The following IREB2 variants were observed in gnomAD, a reference collection of about 807,000 sequenced individuals.
IREB2 encodes iron-responsive element-binding protein 2.
IREB2 carries 39 observed loss-of-function variants against 118.8 expected under a neutral mutation model. The ratio of observed to expected loss-of-function variants is 0.33; its 90% CI spans 0.25 to 0.43. The LOEUF (loss-of-function observed/expected upper bound fraction) is 0.43, where lower values mean the gene tolerates loss of function less well. Ranked by LOEUF, IREB2 falls within the 20% of genes least tolerant of loss-of-function variation. The pLI, the probability that IREB2 is intolerant of heterozygous loss-of-function variation, is 1.00. For missense variants in IREB2, 900 were observed against 1,147.3 expected (o/e 0.78, Z 3.11); for synonymous variants, 372 against 392.2 (o/e 0.95, Z 0.61).
intron 2 of IREB2, among the ~76,000 whole-genome samples, chr15:78,460,812 A>T (rs1268475075): frequency 6.6e-6 from 1 of 152,116 alleles, no homozygotes; most frequent in African/African-American, 2.4e-5. Flanking sequence ...TAACTTGGCT[A>T]CTGTGATTTT....
At chr15:78,490,305 TTTG>T (rs1037790424) in intron 16 of IREB2, 114 bp from the exon 17 acceptor site, 419 of 585,832 alleles carry the variant, frequency 7.2e-4, no homozygotes, top group South Asian at 1.5e-3. Flanking sequence ...AAGGCCTATT[TTTG>T]TTGTTGTTGT....
chr15:78,460,037 T>C (rs1013488004), intron 2 of IREB2, among the ~76,000 whole-genome samples: 2 of 152,242 alleles, frequency 1.3e-5, no homozygotes, highest in Admixed American at 6.5e-5. Flanking sequence ...ACTTCCTAGT[T>C]GGAACATGTA....
In IREB2 at chr15:78,445,810, G is replaced by A. The variant is rs557781594; in HGVS notation, c.106+5929G>A. On this transcript the variant is annotated intron_variant, in intron 2 of 21. Coordinates refer to ENST00000258886, the MANE Select transcript of IREB2 (RefSeq NM_004136.4). ...TTGTTTGTTTTGTTTTTTCCCTCAG[G>A]GTCTTGCTCTGTTGCCCAGGCTGGA... Among the ~76,000 whole-genome samples the A allele has an allele frequency of 1.8e-4, 28 of 151,634 alleles. 1 individual carries two copies. In the South Asian group the frequency reaches 5.6e-3, roughly 30 times the overall value.
intron 5 of IREB2, among the ~76,000 whole-genome samples, chr15:78,467,900 C>T (rs1331320147): frequency 6.6e-6 from 1 of 152,040 alleles, no homozygotes; most frequent in Non-Finnish European, 1.5e-5. Flanking sequence ...CACTCTATTG[C>T]CTGGGCTGAA....
Position 78,485,795 on chromosome 15 carries a change from A to G in IREB2, c.1664A>G (p.His555Arg), listed in dbSNP as rs1191257852. The G allele has an allele frequency of 2.5e-6, 4 of 1,613,968 alleles. No homozygotes were observed. The highest frequency in any genetic ancestry group is 3.4e-6 in the Non-Finnish European group (4 of 1,179,830). The change falls in exon 13 of 22, where the codon CAT (histidine) becomes CGT (arginine). Residue 555 changes from histidine to arginine, a missense_variant. Physicochemically the swap from His to Arg is conservative, Grantham distance 29. Transcript: ENST00000258886. Reference sequence around the variant, plus strand: ...TCTCCAGGCAGTGGGATGGTTACACATTACCTCAGTTCAAGTGGAGTATTA... The same window carrying G: ...TCTCCAGGCAGTGGGATGGTTACACGTTACCTCAGTTCAAGTGGAGTATTA... ...SLSPGSGMVT[H>R]YLSSSGVLPY...
At chr15:78,494,398 T>C in intron 20 of IREB2, 134 bp downstream of exon 20, 1 of 866,516 alleles carries the variant, frequency 1.2e-6, no homozygotes, top group Non-Finnish European at 1.8e-6. Flanking sequence ...GGGTTTTGTT[T>C]GTTTGTTTAT....
At chr15:78,473,935 T>C (rs2051422136) in intron 8 of IREB2, 1 of 152,256 alleles carries the variant, frequency 6.6e-6, no homozygotes, top group Non-Finnish European at 1.5e-5. Context: ...TACTAAGTAA[T>C]GCTTTCAAAA....
intron 10 of IREB2, among the ~76,000 whole-genome samples, chr15:78,482,770 C>T (rs1380189921): frequency 1.4e-5 from 2 of 147,952 alleles, no homozygotes; most frequent in African/African-American, 2.5e-5. Flanking sequence ...TTTTTTGAGA[C>T]GGAGTCTCGC....
rs2051506961 is a variant in IREB2, at chr15:78,478,283, C to G, written c.1196-14C>G. On this transcript the variant is annotated splice_polypyrimidine_tract_variant and intron_variant, in intron 9 of 21. Coordinates refer to ENST00000258886, the MANE Select transcript of IREB2 (RefSeq NM_004136.4). ...TCTCACTGCATTTTGTTGTTTTGTT[C>G]ATCTTCGTTTTAGGTTTTAGCAAAG... 2 of 1,512,756 alleles carry G rather than the reference C, an allele frequency of 1.3e-6. No homozygotes were observed. Among genetic ancestry groups the G allele is most frequent in the African/African-American group, 1.4e-5 (1 of 72,772 alleles). 93.7% of individuals were successfully genotyped at this position (1,512,756 alleles called of 1,614,324 possible). A position where few individuals can be genotyped will look rare whatever the true frequency, so the allele number is the denominator to read the frequency against.
At position 78,498,555 on chromosome 15, in the gene IREB2, G is replaced by A. The variant is rs1019206327; in HGVS notation, c.*412G>A. The A allele has an allele frequency of 6.5e-6, 1 of 153,434 alleles. No individual in the cohort carries two copies. The highest frequency in any genetic ancestry group is 1.5e-5 in the Non-Finnish European group (1 of 68,676). The allele number at this position is 153,434 out of a possible 1,614,324, so 9.5% of individuals were successfully genotyped here. ...AGAGTAGCAGATTGAAATATAAGAA[G>A]CCAGATTAGACTCTAAAATTGTGGC... is the stretch of plus-strand genomic sequence containing the variant. On this transcript the variant is annotated 3_prime_UTR_variant, in exon 22 of 22. Transcript: ENST00000258886.
chr15:78,453,336 G>A (rs916113858), intron 2 of IREB2, among the ~76,000 whole-genome samples: 5 of 151,970 alleles, frequency 3.3e-5, no homozygotes, highest in African/African-American at 1.2e-4. Context: ...TGGGATTCTA[G>A]CTAGACCTGC....
intron 2 of IREB2, among the ~76,000 whole-genome samples, chr15:78,458,785 A>G (rs950925842): frequency 6.6e-6 from 1 of 152,180 alleles, no homozygotes; most frequent in Admixed American, 6.5e-5. Flanking sequence ...GCTGGAACAT[A>G]CTAGAAAAGT....
At chr15:78,482,696 G>T (rs2051594869) in intron 10 of IREB2, among the ~76,000 whole-genome samples, 1 of 152,106 alleles carries the variant, frequency 6.6e-6, no homozygotes, top group African/African-American at 2.4e-5. Flanking sequence ...TTTTATCATT[G>T]GACATCTGTT....
Position 78,439,824 on chromosome 15 carries a change from T to G in IREB2, c.49T>G (p.Leu17Val). 1.3e-6 allele frequency: 2 copies of G among 1,598,176 alleles called. No individual in the cohort carries two copies. Among genetic ancestry groups the G allele is most frequent in the South Asian group, 2.3e-5 (2 of 87,078 alleles). The change falls in exon 2 of 22, where the codon TTA becomes GTA. Residue 17 changes from leucine (L) to valine (V), a missense_variant. Transcript: ENST00000258886. ...CGCCTTTGAGTACCTTATTGAAACA[T>G]TAAATGACAGTTCACATAAGAAGTT... ...GYAFEYLIET[L>V]NDSSHKKFFD...
intron 7 of IREB2, 43 bp from the exon 8 acceptor site, chr15:78,473,199 C>G (rs761410848): frequency 1.3e-6 from 2 of 1,575,768 alleles, no homozygotes; most frequent in Admixed American, 3.4e-5. Flanking sequence ...GATAAATGAT[C>G]TTTAAATATA....
chr15:78,450,687 G>A (rs2958719), intron 2 of IREB2, among the ~76,000 whole-genome samples: 116,720 of 152,110 alleles, frequency 0.77, 45,002 homozygotes, highest in African/African-American at 0.81. Flanking sequence ...TGTAGTCCAC[G>A]TGCTGTCAGA....
intron 2 of IREB2, among the ~76,000 whole-genome samples, chr15:78,457,954 G>A (rs1160148078): frequency 6.6e-6 from 1 of 151,956 alleles, no homozygotes; most frequent in Non-Finnish European, 1.5e-5. Context: ...TCTGATTGAA[G>A]TAAGGATGGA....
intron 18 of IREB2, 87 bp downstream of exon 18, chr15:78,490,848 A>G: frequency 8.1e-7 from 1 of 1,237,684 alleles, no homozygotes; most frequent in Non-Finnish European, 1.1e-6. Context: ...CCTTTTTTCC[A>G]GTAAATACAT....
rs747270593 is a variant in IREB2 at position 78,487,714 on chromosome 15, C to CT, written c.1710-10dup. ...AATGTTGTGATGTGCTATTCAGTCA[C>CT]TTTTTTTTTGAAATGCAGATTTGAA... On this transcript the variant is annotated intron_variant, in intron 13 of 21. Transcript: ENST00000258886. The CT allele has an allele frequency of 3.3e-4, 459 of 1,393,742 alleles. No individual in the cohort carries two copies. The highest frequency in any genetic ancestry group is 5.7e-4 in the African/African-American group (40 of 70,520). The allele number at this position is 1,393,742 out of a possible 1,614,324, so 86.3% of individuals were successfully genotyped here.
Sources: allele counts gnomAD v4.1 joint callset (sites outside exome capture counted in the v4.1 genomes callset), GRCh38; gene constraint gnomAD v4.1.1; transcripts MANE v1.5; gene names NCBI Gene and HGNC (gene_info 2026-07-23, HGNC 2026-07-21).